The following RDX variants were observed in gnomAD, a reference collection of about 807,000 sequenced individuals.
RDX encodes the protein radixin.
RDX carries 32 observed loss-of-function variants against 83.7 expected under a neutral mutation model. The ratio of observed to expected loss-of-function variants is 0.38; its 90% CI spans 0.29 to 0.51. The LOEUF is 0.51. Among genes scored for constraint, RDX ranks in the 20% least tolerant of loss-of-function variants. The pLI is 0.87. For synonymous variants in RDX, 229 were observed against 222.7 expected (o/e 1.03, Z -0.25); for missense variants, 600 against 689.9 (o/e 0.87, Z 1.46).
intron 1 of RDX, among the ~76,000 whole-genome samples, chr11:110,292,532 T>C (rs1861288043): frequency 6.6e-6 from 1 of 152,168 alleles, no homozygotes; most frequent in South Asian, 2.1e-4. Context: ...GTTGGAGAAT[T>C]TTCTGCTATT....
intron 14 of RDX, among the ~76,000 whole-genome samples, chr11:110,202,595 C>CTTTTT (rs58793509): frequency 3.3e-5 from 4 of 121,300 alleles, no homozygotes; most frequent in African/African-American, 6.1e-5. Flanking sequence ...ATTTTTCTTT[C>CTTTTT]TTTTTTTTTT....
At chr11:110,294,204 G>A (rs1487666979) in intron 1 of RDX, among the ~76,000 whole-genome samples, 8 of 152,230 alleles carry the variant, frequency 5.3e-5, no homozygotes, top group Non-Finnish European at 1.2e-4. Flanking sequence ...AGACCAGCCT[G>A]GCCAACATGG....
Position 110,232,245 on chromosome 11 carries a change from T to C in RDX, c.1588-212A>G, listed in dbSNP as rs992728383. Among the ~76,000 whole-genome samples, 5 of 152,318 alleles carry C rather than the reference T, an allele frequency of 3.3e-5. No individual in the cohort carries two copies. In the Middle Eastern group the frequency reaches 0.014, roughly 414 times the overall value. ...CACATTTATCAACCATGGTATTTTGTACATTATTCTAAATTTCCTTAACTT... is the reference window on the plus strand; with the variant it reads ...CACATTTATCAACCATGGTATTTTGCACATTATTCTAAATTTCCTTAACTT... On this transcript the variant is annotated intron_variant, in intron 13 of 13. Transcript: ENST00000645495.
intron 2 of RDX, among the ~76,000 whole-genome samples, chr11:110,278,155 T>C (rs952128234): frequency 1.3e-5 from 2 of 152,212 alleles, no homozygotes; most frequent in East Asian, 1.9e-4. Flanking sequence ...TATTAATTTA[T>C]TCTTTCACCA....
chr11:110,190,781 T>A (rs897959024), intron 15 of RDX, among the ~76,000 whole-genome samples: 1 of 152,008 alleles, frequency 6.6e-6, no homozygotes, highest in Non-Finnish European at 1.5e-5. Context: ...CCCACAGAAA[T>A]ACAAAAGATC....
At chr11:110,179,837 C>T (rs1032286646) in intron 15 of RDX, 3 of 410,772 alleles carry the variant, frequency 7.3e-6, no homozygotes, top group African/African-American at 6.4e-5. Context: ...CTATGGAATG[C>T]CTCAGCCTCT....
chr11:110,274,344 T>A (rs1479908563), intron 2 of RDX, among the ~76,000 whole-genome samples: 1 of 152,188 alleles, frequency 6.6e-6, no homozygotes, highest in East Asian at 1.9e-4. Flanking sequence ...ATCTTGCTTT[T>A]AAAAAAATGG....
chr11:110,257,733 A>G, intron 7 of RDX, 34 bp downstream of exon 7: 1 of 1,604,060 alleles, frequency 6.2e-7, no homozygotes, highest in Non-Finnish European at 8.5e-7. Context: ...ACCACTGAAC[A>G]ATGACTAGTT....
At chr11:110,199,447 C>T (rs1470431907) in intron 15 of RDX, 1 of 621,780 alleles carries the variant, frequency 1.6e-6, no homozygotes, top group African/African-American at 1.8e-5. Context: ...GTTCCTTTGA[C>T]TTGAAATCCA....
At chr11:110,201,903 T>TTGTATGTGTGTG (rs369259369) in intron 14 of RDX, among the ~76,000 whole-genome samples, 1 of 137,220 alleles carries the variant, frequency 7.3e-6, no homozygotes, top group African/African-American at 2.7e-5. Flanking sequence ...CCGGCTAATT[T>TTGTATGTGTGTG]TGTGTGTGTG....
intron 9 of RDX, among the ~76,000 whole-genome samples, chr11:110,249,566 C>T (rs948818515): frequency 4.6e-5 from 7 of 152,274 alleles, no homozygotes; most frequent in African/African-American, 1.7e-4. Flanking sequence ...CACCTTGCTG[C>T]TGGTTTAATG....
chr11:110,243,401 T>A (rs1190843181), intron 10 of RDX, among the ~76,000 whole-genome samples: 1 of 152,106 alleles, frequency 6.6e-6, no homozygotes, highest in Non-Finnish European at 1.5e-5. Context: ...AAATGTACTT[T>A]CAAACACTAG....
intron 2 of RDX, among the ~76,000 whole-genome samples, chr11:110,273,265 A>C (rs1374918761): frequency 6.6e-6 from 1 of 152,226 alleles, no homozygotes; most frequent in East Asian, 1.9e-4. Context: ...TTGAGGTCTA[A>C]CTCCAAATTC....
At chr11:110,238,991 T>C (rs547132912) in intron 10 of RDX, among the ~76,000 whole-genome samples, 1 of 149,818 alleles carries the variant, frequency 6.7e-6, no homozygotes, top group East Asian at 2.0e-4. Flanking sequence ...AGAATGACTC[T>C]TTGGTTAGGC....
intron 13 of RDX, 31 bp from the exon 14 acceptor site, chr11:110,232,064 T>C: frequency 6.4e-7 from 1 of 1,556,916 alleles, no homozygotes; most frequent in Non-Finnish European, 8.8e-7. Context: ...ACAACTATTA[T>C]TTTTTTCTTA....
chr11:110,234,620 C>A (rs1030972236), intron 12 of RDX, among the ~76,000 whole-genome samples: 1 of 152,142 alleles, frequency 6.6e-6, no homozygotes, highest in African/African-American at 2.4e-5. Flanking sequence ...GACTTGATAT[C>A]TGTAATATGC....
intron 10 of RDX, 75 bp from the exon 11 acceptor site, chr11:110,237,727 A>C: frequency 6.7e-7 from 1 of 1,491,114 alleles, no homozygotes; most frequent in Non-Finnish European, 9.4e-7. Flanking sequence ...CTAAAATAGT[A>C]GCAAGAAATC....
chr11:110,198,865 G>C (rs1489672646), intron 15 of RDX, among the ~76,000 whole-genome samples: 1 of 151,750 alleles, frequency 6.6e-6, no homozygotes, highest in African/African-American at 2.4e-5. Context: ...ATCCAGGATG[G>C]AGTGCAGTGG....
At chr11:110,253,885 G>T in intron 9 of RDX, 61 bp downstream of exon 9, 2 of 1,440,370 alleles carry the variant, frequency 1.4e-6, no homozygotes, top group African/African-American at 1.4e-5. Context: ...AAACTGAGCA[G>T]TCTTAAATTT....
Sources: allele counts gnomAD v4.1 joint callset (sites outside exome capture counted in the v4.1 genomes callset), GRCh38; gene constraint gnomAD v4.1.1; transcripts MANE v1.5; gene names NCBI Gene and HGNC (gene_info 2026-07-23, HGNC 2026-07-21).